CECR2: variants seen among roughly 807,000 people sequenced by gnomAD.
CECR2 encodes the protein CECR2 histone acetyl-lysine reader.
A neutral mutation model predicts 154.5 loss-of-function variants in CECR2; 30 were observed. That is an observed-to-expected ratio of 0.19 (90% CI 0.15 to 0.26). The LOEUF (loss-of-function observed/expected upper bound fraction) is 0.26, where lower values mean the gene tolerates loss of function less well. CECR2 is among the 10% of genes least tolerant of loss of function. The pLI is 1.00. For missense variants in CECR2, 1,743 were observed against 1,829.3 expected (o/e 0.95, Z 0.86); for synonymous variants, 725 against 683.7 (o/e 1.06, Z -0.94).
rs2056647456 is a variant in CECR2 at position 17,548,349 on chromosome 22, G to A, written c.3062G>A (p.Gly1021Asp). ...GCGGACAACTGTAAAGCAATGAAGG[G>A]CAAGAATCCCTGGCCCTCGGATAGC... ...ESADNCKAMK[G>D]KNPWPSDSSY... Residue 1021 changes from glycine to aspartate, a missense_variant, in exon 17 of 19, where the codon GGC (glycine) becomes GAC (aspartate). By Grantham distance (94) the Gly-to-Asp change is moderately conservative. Around this residue, in one of 4 missense-constraint regions of CECR2, gnomAD observed 1,250 missense variants for 1,192.1 expected, o/e 1.05. Coordinates refer to ENST00000262608, the MANE Select transcript of CECR2 (RefSeq NM_001290047.2). The A allele has an allele frequency of 6.2e-7, 1 of 1,612,298 alleles. No individual in the cohort carries two copies. Among genetic ancestry groups the A allele is most frequent in the African/African-American group, 1.3e-5 (1 of 74,888 alleles).
intron 14 of CECR2, 128 bp from the exon 15 acceptor site, chr22:17,541,711 G>T: frequency 8.5e-7 from 1 of 1,169,646 alleles, no homozygotes; most frequent in Non-Finnish European, 1.2e-6. Flanking sequence ...CAGTCTCCCT[G>T]TCTCCAGCCG....
chr22:17,524,692 C>CTT lies in CECR2; in HGVS notation c.1108+444_1108+445dup, dbSNP rs1188195849. On this transcript the variant is annotated intron_variant, in intron 9 of 18. Coordinates refer to ENST00000262608, the MANE Select transcript of CECR2 (RefSeq NM_001290047.2). ...CAGGCATGAGCCACCATGCCTGGCC[C>CTT]TTTTTTTTTTTTTTTTTTTTTTTTG... Among the ~76,000 whole-genome samples the CTT allele has an allele frequency of 6.1e-3, 270 of 44,312 alleles. 21 individuals carry two copies. Among genetic ancestry groups the CTT allele is most frequent in the African/African-American group, 0.018 (150 of 8,356 alleles). The allele number at this position is 44,312 out of a possible 152,430, so 29.1% of individuals were successfully genotyped here. A position where few individuals can be genotyped will look rare whatever the true frequency, so the allele number is the denominator to read the frequency against.
At chr22:17,524,294 C>G (rs1337102951) in intron 9 of CECR2, 23 bp downstream of exon 9, 12 of 1,598,746 alleles carry the variant, frequency 7.5e-6, no homozygotes, top group Non-Finnish European at 1.0e-5. Flanking sequence ...TCCGCGTGGT[C>G]TGGAGAGGTG....
chr22:17,470,175 C>T (rs1022634611), intron 1 of CECR2, among the ~76,000 whole-genome samples: 9 of 151,880 alleles, frequency 5.9e-5, no homozygotes, highest in African/African-American at 1.5e-4. Context: ...TGGTGGCTCA[C>T]GCATGTAATC....
At chr22:17,423,914 C>T (rs2054294012) in intron 1 of CECR2, among the ~76,000 whole-genome samples, 1 of 152,166 alleles carries the variant, frequency 6.6e-6, no homozygotes. Context: ...ACATGCTGAA[C>T]CGGAATCCCA....
chr22:17,447,176 A>G (rs2054684639), intron 1 of CECR2, among the ~76,000 whole-genome samples: 1 of 151,584 alleles, frequency 6.6e-6, no homozygotes, highest in South Asian at 2.1e-4. Context: ...CTGGGACTAC[A>G]GGTGCTGGCC....
In CECR2 at chr22:17,540,531, G is replaced by A; in HGVS notation, c.1615G>A (p.Glu539Lys). The change falls in exon 14 of 19, where the codon GAG (glutamate) becomes AAG (lysine). Residue 539 changes from glutamate to lysine, a missense_variant. Coordinates refer to ENST00000262608, the MANE Select transcript of CECR2 (RefSeq NM_001290047.2). ...EFWIREDEKR[E>K]KRRSRAGRSG... Reference sequence around the variant, plus strand: ...TTGGATTCGAGAGGATGAAAAGCGGGAGAAAAGACGGAGTCGGGCTGGGCG... The same window carrying A: ...TTGGATTCGAGAGGATGAAAAGCGGAAGAAAAGACGGAGTCGGGCTGGGCG... 1 of 1,612,378 alleles carries A rather than the reference G, an allele frequency of 6.2e-7. No individual in the cohort carries two copies. The highest frequency in any genetic ancestry group is 8.5e-7 in the Non-Finnish European group (1 of 1,178,970).
Position 17,479,648 on chromosome 22 carries a change from G to T in CECR2, c.221+1966G>T, listed in dbSNP as rs970378841. The stretch of plus-strand genomic sequence containing the variant: ...CTGCTTGTTTGTTCTTCCAGATAGT[G>T]GTTACAAAGTTATGTCCTGTTCTTT... On this transcript the variant is annotated intron_variant, in intron 2 of 18. Transcript: ENST00000262608. 4.0e-5 allele frequency among the ~76,000 whole-genome samples: 6 copies of T among 151,862 alleles called. 1 individual carries two copies. The highest frequency in any genetic ancestry group is 2.4e-5 in the African/African-American group (1 of 41,378).
chr22:17,410,915 T>C (rs2054059299), intron 1 of CECR2, among the ~76,000 whole-genome samples: 1 of 152,222 alleles, frequency 6.6e-6, no homozygotes. Flanking sequence ...ATGTTAGAGA[T>C]AATTTAGGTT....
intron 1 of CECR2, among the ~76,000 whole-genome samples, chr22:17,424,232 C>T (rs1409079227): frequency 4.6e-5 from 7 of 152,020 alleles, no homozygotes; most frequent in Non-Finnish European, 2.9e-5. Context: ...GCCACCACAC[C>T]CGGCCATGGT....
intron 1 of CECR2, among the ~76,000 whole-genome samples, chr22:17,413,851 T>C (rs5746369): frequency 6.7e-6 from 1 of 149,286 alleles, no homozygotes; most frequent in Admixed American, 6.7e-5. Flanking sequence ...TAATTTTTTT[T>C]TTTTTTTAGT....
At chr22:17,467,793 AAG>A (rs1241415536) in intron 1 of CECR2, among the ~76,000 whole-genome samples, 1 of 150,632 alleles carries the variant, frequency 6.6e-6, no homozygotes, top group Non-Finnish European at 1.5e-5. Flanking sequence ...AAAAAAAAGA[AAG>A]AAAGAGAGAG....
Position 17,387,942 on chromosome 22 carries a change from T to G in CECR2, c.126+18033T>G, listed in dbSNP as rs113371914. The stretch of plus-strand genomic sequence containing the variant: ...TATATTTGAGGTTTTAAGTTTTGAG[T>G]TTTTTTTTTGTTTGTTTTTTGTTTT... On this transcript the variant is annotated intron_variant, in intron 1 of 18. Coordinates refer to ENST00000262608, the MANE Select transcript of CECR2 (RefSeq NM_001290047.2). Among the ~76,000 whole-genome samples, 1,446 of 133,840 alleles carry G rather than the reference T, an allele frequency of 0.011. 56 individuals carry two copies. In the East Asian group the frequency reaches 0.15, roughly 14 times the overall value. The allele number at this position is 133,840 out of a possible 152,430, so 87.8% of individuals were successfully genotyped here.
intron 1 of CECR2, among the ~76,000 whole-genome samples, chr22:17,456,036 T>C (rs1057351767): frequency 1.3e-5 from 2 of 152,180 alleles, no homozygotes; most frequent in African/African-American, 4.8e-5. Context: ...CACATTTTCT[T>C]CTAGTTTTCA....
chr22:17,371,375 TAAC>T (rs751568257), intron 1 of CECR2, among the ~76,000 whole-genome samples: 12 of 152,162 alleles, frequency 7.9e-5, no homozygotes, highest in Admixed American at 1.3e-4. Context: ...GAAGAGGTAA[TAAC>T]GGGCATTTTA....
intron 1 of CECR2, among the ~76,000 whole-genome samples, chr22:17,474,801 C>A (rs1359819781): frequency 1.3e-5 from 2 of 152,178 alleles, no homozygotes; most frequent in Non-Finnish European, 2.9e-5. Context: ...CCTCCCAGTT[C>A]TTAGCTTATC....
chr22:17,524,301 GGTGCATGTCTGTC>G lies in CECR2; in HGVS notation c.1108+32_1108+44del, dbSNP rs757033889. 1.9e-5 allele frequency: 31 copies of G among 1,601,000 alleles called. 1 individual carries two copies. In the South Asian group the frequency reaches 3.2e-4, roughly 16 times the overall value. On this transcript the variant is annotated intron_variant, in intron 9 of 18. Transcript: ENST00000262608. ...GTGCAGTGTCCGCGTGGTCTGGAGA[GGTGCATGTCTGTC>G]GACCAGCCGTCCTGTAGCCAGAGCC...
At position 17,518,513 on chromosome 22, in the gene CECR2, C is replaced by T. The variant is rs975591904; in HGVS notation, c.955-5605C>T. On this transcript the variant is annotated intron_variant, in intron 8 of 18. Transcript: ENST00000262608. ...TTCACCACGGAATGTTATCTTCTGG[C>T]CATCTTTCATGCCTTTGTCAATATG... Among the ~76,000 whole-genome samples, 11 of 152,294 alleles carry T rather than the reference C, an allele frequency of 7.2e-5. No homozygotes were observed. The South Asian group carries it at 2.1e-3, about 29-fold the overall frequency.
chr22:17,501,996 A>T (rs917387506), intron 5 of CECR2, among the ~76,000 whole-genome samples: 2 of 152,202 alleles, frequency 1.3e-5, no homozygotes, highest in Non-Finnish European at 2.9e-5. Flanking sequence ...CAGCAGCCAC[A>T]TGGTTTATTG....
Sources: allele counts gnomAD v4.1 joint callset (sites outside exome capture counted in the v4.1 genomes callset), GRCh38; gene constraint gnomAD v4.1.1; regional missense constraint gnomAD v4.1.1; transcripts MANE v1.5; gene names NCBI Gene and HGNC (gene_info 2026-07-23, HGNC 2026-07-21).